Variants in GPC5 observed in about 807,000 individuals in gnomAD.
The protein encoded by GPC5 is glypican 5, also known as glypican-5.
In GPC5, 47 loss-of-function variants were observed where a neutral mutation model predicts 53.9. That is an observed-to-expected ratio of 0.87 (90% CI 0.69 to 1.11). The LOEUF (loss-of-function observed/expected upper bound fraction) is 1.11. GPC5 is among the 50% of genes most tolerant of loss of function. The probability of loss-of-function intolerance (pLI) is 0.00; values close to 1 mark genes in which losing one functional copy is unlikely to be tolerated. For synonymous variants in GPC5, 286 were observed against 263.3 expected (o/e 1.09, Z -0.84); for missense variants, 748 against 713.1 (o/e 1.05, Z -0.56).
chr13:91,488,637 C>T (rs1168031706), intron 2 of GPC5, among the ~76,000 whole-genome samples: 1 of 152,210 alleles, frequency 6.6e-6, no homozygotes, highest in Non-Finnish European at 1.5e-5. Flanking sequence ...CCTGTCTTTA[C>T]TTTAATCTCT....
chr13:92,205,012 G>T (rs1316545572), intron 7 of GPC5, among the ~76,000 whole-genome samples: 7 of 152,012 alleles, frequency 4.6e-5, no homozygotes, highest in Admixed American at 1.3e-4. Context: ...TCCAGTAGCT[G>T]GGACTACAGG....
chr13:92,354,698 G>A lies in GPC5; in HGVS notation c.1561+209709G>A, dbSNP rs2043507964. 3.3e-5 allele frequency among the ~76,000 whole-genome samples: 5 copies of A among 152,202 alleles called. No homozygotes were observed. In the South Asian group the frequency reaches 1.0e-3, roughly 32 times the overall value. On this transcript the variant is annotated intron_variant, in intron 7 of 7. Transcript: ENST00000377067. ...AGCTACTGTATTCTGGGAGGTCAGAGAATCATAACCGATGAGATGGGATTT... is the reference window on the plus strand; with the variant it reads ...AGCTACTGTATTCTGGGAGGTCAGAAAATCATAACCGATGAGATGGGATTT...
At chr13:92,658,931 T>TTTG (rs1555299947) in intron 7 of GPC5, 3 of 133,260 alleles carry the variant, frequency 2.3e-5, no homozygotes, top group Non-Finnish European at 4.9e-5. Context: ...TTTGTTTTTT[T>TTTG]TTTTTTTTTT....
At chr13:91,652,137 T>A (rs2034727431) in intron 2 of GPC5, among the ~76,000 whole-genome samples, 1 of 152,210 alleles carries the variant, frequency 6.6e-6, no homozygotes, top group South Asian at 2.1e-4. Context: ...CTGATAGTCC[T>A]GATCTCAATT....
At chr13:92,286,590 A>T (rs1050763958) in intron 7 of GPC5, among the ~76,000 whole-genome samples, 1 of 152,200 alleles carries the variant, frequency 6.6e-6, no homozygotes, top group Non-Finnish European at 1.5e-5. Flanking sequence ...TTGTAGGGAC[A>T]TGGATGAAGC....
At chr13:91,983,309 G>A (rs2040377382) in intron 6 of GPC5, among the ~76,000 whole-genome samples, 2 of 151,436 alleles carry the variant, frequency 1.3e-5, no homozygotes, top group African/African-American at 4.8e-5. Context: ...TAGCGCCACT[G>A]CACTTCAGCC....
At position 91,530,894 on chromosome 13, in the gene GPC5, C is replaced by T. The variant is rs755689672; in HGVS notation, c.325+81972C>T. Among the ~76,000 whole-genome samples the T allele has an allele frequency of 8.2e-4, 125 of 152,068 alleles. 1 individual carries two copies. The highest frequency in any genetic ancestry group is 3.5e-3 in the Admixed American group (53 of 15,270). ...ATTCTGTTAATTTATTATTTTAGCA[C>T]GAAATCTTATTTTGAGGATAGGGTT... is the stretch of plus-strand genomic sequence containing the variant. On this transcript the variant is annotated intron_variant, in intron 2 of 7. Transcript: ENST00000377067.
Position 92,833,617 on chromosome 13 carries a change from CAGAT to C in GPC5, c.1562-32663_1562-32660del, listed in dbSNP as rs1878124598. Among the ~76,000 whole-genome samples the C allele has an allele frequency of 2.6e-5, 4 of 152,258 alleles. No homozygotes were observed. The South Asian group carries it at 8.3e-4, about 32-fold the overall frequency. On this transcript the variant is annotated intron_variant, in intron 7 of 7. Transcript: ENST00000377067. ...TAAACTGATTGTGTCAGAGCTGATA[CAGAT>C]ACTATTCACATTTTTATAATGCAAT...
intron 7 of GPC5, among the ~76,000 whole-genome samples, chr13:92,863,021 A>G (rs1490405080): frequency 6.6e-6 from 1 of 152,154 alleles, no homozygotes; most frequent in South Asian, 2.1e-4. Flanking sequence ...ACTTGCCCAC[A>G]TGGATTCTAC....
At chr13:91,818,487 G>T (rs2038434966) in intron 5 of GPC5, among the ~76,000 whole-genome samples, 1 of 152,104 alleles carries the variant, frequency 6.6e-6, no homozygotes, top group Admixed American at 6.6e-5. Context: ...TAGCTCTAAG[G>T]TTATTTAAAT....
chr13:92,605,758 G>A (rs947508079), intron 7 of GPC5, among the ~76,000 whole-genome samples: 20 of 151,518 alleles, frequency 1.3e-4, no homozygotes, highest in African/African-American at 4.6e-4. Flanking sequence ...CCCGGCTAAC[G>A]TATTCACTAG....
intron 6 of GPC5, among the ~76,000 whole-genome samples, chr13:92,056,103 T>C (rs576416017): frequency 6.6e-6 from 1 of 152,254 alleles, no homozygotes; most frequent in African/African-American, 2.4e-5. Flanking sequence ...TATATTATCT[T>C]ATAGTTCTGC....
intron 7 of GPC5, among the ~76,000 whole-genome samples, chr13:92,161,285 G>C (rs1164452008): frequency 6.6e-6 from 1 of 151,978 alleles, no homozygotes; most frequent in African/African-American, 2.4e-5. Flanking sequence ...TATTTAACAA[G>C]CATACTAAAT....
chr13:92,338,379 A>G (rs1338742764), intron 7 of GPC5, among the ~76,000 whole-genome samples: 4 of 152,120 alleles, frequency 2.6e-5, no homozygotes, highest in African/African-American at 9.6e-5. Context: ...ACAGTTTCTT[A>G]CAAAGTTAAA....
chr13:92,101,098 G>A (rs2041463187), intron 6 of GPC5, among the ~76,000 whole-genome samples: 1 of 152,066 alleles, frequency 6.6e-6, no homozygotes, highest in Admixed American at 6.6e-5. Context: ...CCAGTTCTCA[G>A]TACACACCTA....
chr13:91,720,479 C>T (rs186126407), intron 3 of GPC5, among the ~76,000 whole-genome samples: 23 of 152,210 alleles, frequency 1.5e-4, no homozygotes, highest in Admixed American at 5.2e-4. Flanking sequence ...TCTCCTTGAG[C>T]TTCATCTCAG....
intron 5 of GPC5, among the ~76,000 whole-genome samples, chr13:91,803,045 A>T (rs189673644): frequency 6.6e-6 from 1 of 152,312 alleles, no homozygotes; most frequent in Admixed American, 6.5e-5. Flanking sequence ...TTTTAAAAAT[A>T]GTCAAAATAA....
intron 7 of GPC5, among the ~76,000 whole-genome samples, chr13:92,667,327 G>C (rs1886609743): frequency 6.6e-6 from 1 of 152,128 alleles, no homozygotes. Flanking sequence ...TGATAATGCA[G>C]AGAGTGCTTG....
chr13:92,110,038 T>A (rs1056800835), intron 6 of GPC5, among the ~76,000 whole-genome samples: 3 of 152,144 alleles, frequency 2.0e-5, no homozygotes, highest in Non-Finnish European at 4.4e-5. Flanking sequence ...ATGAAAAATT[T>A]ATTTAGGTGG....
Sources: allele counts gnomAD v4.1 joint callset (sites outside exome capture counted in the v4.1 genomes callset), GRCh38; gene constraint gnomAD v4.1.1; transcripts MANE v1.5; gene names NCBI Gene and HGNC (gene_info 2026-07-23, HGNC 2026-07-21).